The following DGKI variants were observed in gnomAD, a reference collection of about 807,000 sequenced individuals.
DGKI encodes DAG kinase iota.
A neutral mutation model predicts 147.5 loss-of-function variants in DGKI; 55 were observed. That is an observed-to-expected ratio of 0.37 (90% CI 0.30 to 0.47). The LOEUF (loss-of-function observed/expected upper bound fraction) is 0.47. DGKI is among the 20% of genes least tolerant of loss of function. The pLI is 1.00. For missense variants in DGKI, 1,007 were observed against 1,323.8 expected (o/e 0.76, Z 3.71); for synonymous variants, 469 against 477.1 (o/e 0.98, Z 0.22).
intron 1 of DGKI, among the ~76,000 whole-genome samples, chr7:137,691,476 A>C (rs983936715): frequency 3.3e-5 from 5 of 152,202 alleles, no homozygotes. Context: ...GGAGAAAAGG[A>C]AAGCAGTGAT....
At chr7:137,520,239 C>G (rs1008466863) in intron 21 of DGKI, among the ~76,000 whole-genome samples, 1 of 152,000 alleles carries the variant, frequency 6.6e-6, no homozygotes, top group Non-Finnish European at 1.5e-5. Flanking sequence ...CAGAGTTGAT[C>G]GTAAGCTGCA....
intron 23 of DGKI, among the ~76,000 whole-genome samples, chr7:137,482,350 A>C (rs1319801503): frequency 6.6e-6 from 1 of 151,464 alleles, no homozygotes. Flanking sequence ...TTGAACCTGC[A>C]CTCTTCTTGA....
intron 6 of DGKI, among the ~76,000 whole-genome samples, chr7:137,638,462 G>GTA (rs1346537188): frequency 5.1e-5 from 1 of 19,732 alleles, no homozygotes; most frequent in African/African-American, 1.5e-4. Flanking sequence ...ACATATATAT[G>GTA]TGTGTATATA....
intron 19 of DGKI, among the ~76,000 whole-genome samples, chr7:137,555,811 G>A (rs117854651): frequency 0.022 from 3,344 of 152,064 alleles, 59 homozygotes; most frequent in Non-Finnish European, 0.035. Context: ...TTATAAGTCC[G>A]TCCTACCTAA....
chr7:137,423,423 T>C (rs1032524812), intron 28 of DGKI, among the ~76,000 whole-genome samples: 2 of 152,198 alleles, frequency 1.3e-5, no homozygotes, highest in Non-Finnish European at 2.9e-5. Context: ...AGTGTACTCA[T>C]GTTTCACCCA....
intron 20 of DGKI, among the ~76,000 whole-genome samples, chr7:137,523,900 A>G (rs1196427117): frequency 1.4e-5 from 2 of 146,472 alleles, no homozygotes; most frequent in Admixed American, 6.6e-5. Flanking sequence ...ATAGCCACTA[A>G]GTAGCAGTGC....
chr7:137,448,300 CA>C (rs35613517), intron 27 of DGKI, among the ~76,000 whole-genome samples: 56,045 of 79,966 alleles, frequency 0.7, 18,652 homozygotes, highest in Middle Eastern at 0.86. Flanking sequence ...ACTAGAAGCT[CA>C]AAAAAAAAAA....
At chr7:137,762,318 G>A (rs1795882072) in intron 1 of DGKI, among the ~76,000 whole-genome samples, 1 of 152,158 alleles carries the variant, frequency 6.6e-6, no homozygotes, top group East Asian at 1.9e-4. Context: ...TTGTAACAAG[G>A]ACCAAGTGAT....
At chr7:137,394,977 A>G (rs1393696480) in intron 32 of DGKI, among the ~76,000 whole-genome samples, 1 of 152,198 alleles carries the variant, frequency 6.6e-6, no homozygotes, top group Non-Finnish European at 1.5e-5. Context: ...TTTAGCTCCT[A>G]TACCTATAAA....
chr7:137,456,558 G>A (rs1814215454), intron 27 of DGKI, among the ~76,000 whole-genome samples: 2 of 152,156 alleles, frequency 1.3e-5, no homozygotes, highest in Non-Finnish European at 2.9e-5. Context: ...GGTCATCCAA[G>A]GAACTCACAT....
chr7:137,662,258 T>TTTG, intron 3 of DGKI, among the ~76,000 whole-genome samples: 1 of 150,796 alleles, frequency 6.6e-6, no homozygotes, highest in South Asian at 2.1e-4. Flanking sequence ...TTTTTTTTTT[T>TTTG]TCGAGACAGA....
intron 27 of DGKI, among the ~76,000 whole-genome samples, chr7:137,448,824 G>A (rs1751491529): frequency 6.6e-6 from 1 of 152,144 alleles, no homozygotes; most frequent in Non-Finnish European, 1.5e-5. Flanking sequence ...TAGTTACAGG[G>A]AGGCAAAAAG....
At chr7:137,584,990 C>T (rs1028311298) in intron 14 of DGKI, among the ~76,000 whole-genome samples, 1 of 152,138 alleles carries the variant, frequency 6.6e-6, no homozygotes, top group Non-Finnish European at 1.5e-5. Flanking sequence ...GCTCCCTGAG[C>T]TTTGGAAGCA....
chr7:137,810,393 T>C (rs925497665), intron 1 of DGKI, among the ~76,000 whole-genome samples: 2 of 152,118 alleles, frequency 1.3e-5, no homozygotes, highest in African/African-American at 2.4e-5. Flanking sequence ...AACGAAACTA[T>C]GAAAGGTACT....
rs759486516 is a variant in DGKI, at chr7:137,387,362, C to T, written c.*3858G>A. ...ATGCTAAGTGCAATTGTAGTAATGC[C>T]ATAACAGATCTAAGCCTAGCAATGG... On this transcript the variant is annotated 3_prime_UTR_variant, in exon 33 of 33. Transcript: ENST00000614521. 11 of 152,076 alleles carry T rather than the reference C, an allele frequency of 7.2e-5. No individual in the cohort carries two copies. Among genetic ancestry groups the T allele is most frequent in the Non-Finnish European group, 1.3e-4 (9 of 68,008 alleles). The allele number at this position is 152,076 out of a possible 1,614,324, so 9.4% of individuals were successfully genotyped here. A position where few individuals can be genotyped will look rare whatever the true frequency, so the allele number is the denominator to read the frequency against.
chr7:137,523,082 G>A (rs191866513), intron 20 of DGKI, among the ~76,000 whole-genome samples: 351 of 152,002 alleles, frequency 2.3e-3, no homozygotes, highest in Non-Finnish European at 2.1e-3. Context: ...AGAGAAAGAC[G>A]GAGGGAGAGA....
intron 16 of DGKI, among the ~76,000 whole-genome samples, chr7:137,577,852 C>A (rs899595888): frequency 6.6e-6 from 1 of 152,184 alleles, no homozygotes; most frequent in Non-Finnish European, 1.5e-5. Flanking sequence ...ATGAAAAACA[C>A]CCCATATTCT....
At chr7:137,795,045 C>G (rs1796980639) in intron 1 of DGKI, among the ~76,000 whole-genome samples, 1 of 152,146 alleles carries the variant, frequency 6.6e-6, no homozygotes, top group African/African-American at 2.4e-5. Context: ...GATATGAAAA[C>G]CACCTAGGAA....
chr7:137,842,853 T>C (rs1585560044), intron 1 of DGKI, among the ~76,000 whole-genome samples: 1 of 152,054 alleles, frequency 6.6e-6, no homozygotes, highest in African/African-American at 2.4e-5. Flanking sequence ...TAATATATAA[T>C]AATAATAATA....
Sources: allele counts gnomAD v4.1 joint callset (sites outside exome capture counted in the v4.1 genomes callset), GRCh38; gene constraint gnomAD v4.1.1; transcripts MANE v1.5; gene names NCBI Gene and HGNC (gene_info 2026-07-23, HGNC 2026-07-21).